DMRT1: variants seen among roughly 807,000 people sequenced by gnomAD.
DMRT1 encodes doublesex- and mab-3-related transcription factor 1.
In DMRT1, 7 loss-of-function variants were observed where a neutral mutation model predicts 32.3. The observed-to-expected ratio is 0.22, with a 90% CI of 0.12 to 0.41. The LOEUF (loss-of-function observed/expected upper bound fraction) is 0.41. DMRT1 is among the 10% of genes least tolerant of loss of function. The pLI is 1.00. For missense variants in DMRT1, 625 were observed against 500.5 expected (o/e 1.25, Z -2.37); for synonymous variants, 278 against 206.1 (o/e 1.35, Z -2.99).
At chr9:853,037 A>T (rs1287906110) in intron 2 of DMRT1, among the ~76,000 whole-genome samples, 2 of 152,234 alleles carry the variant, frequency 1.3e-5, no homozygotes, top group Non-Finnish European at 2.9e-5. Context: ...AGTAAGAGAT[A>T]TGGCTGGTGA....
chr9:883,159 A>C (rs1210139872), intron 2 of DMRT1, among the ~76,000 whole-genome samples: 1 of 151,936 alleles, frequency 6.6e-6, no homozygotes, highest in East Asian at 1.9e-4. Flanking sequence ...CTCCCCTTTG[A>C]ACCAAGCCCG....
chr9:955,996 C>T (rs1019879760), intron 4 of DMRT1, among the ~76,000 whole-genome samples: 6 of 152,098 alleles, frequency 3.9e-5, no homozygotes, highest in East Asian at 1.9e-4. Flanking sequence ...TTCATATCAG[C>T]GTTATTCAAA....
chr9:869,455 A>C (rs1166252034), intron 2 of DMRT1, among the ~76,000 whole-genome samples: 1 of 152,204 alleles, frequency 6.6e-6, no homozygotes, highest in African/African-American at 2.4e-5. Context: ...TAAAATTCAG[A>C]ACTTTTTGAA....
At chr9:930,896 A>T (rs1278108200) in intron 4 of DMRT1, among the ~76,000 whole-genome samples, 4 of 152,178 alleles carry the variant, frequency 2.6e-5, no homozygotes, top group Admixed American at 1.3e-4. Context: ...CATAAAATTC[A>T]TCCTTTTAAA....
chr9:929,046 C>T (rs1818623861), intron 4 of DMRT1, among the ~76,000 whole-genome samples: 1 of 151,982 alleles, frequency 6.6e-6, no homozygotes, highest in Non-Finnish European at 1.5e-5. Context: ...GCTATGTTGG[C>T]CAGGCTGGTC....
At chr9:896,285 CT>C (rs1195951813) in intron 3 of DMRT1, among the ~76,000 whole-genome samples, 461 of 121,762 alleles carry the variant, frequency 3.8e-3, no homozygotes, top group East Asian at 0.014. Context: ...CTTGTCTTTT[CT>C]TTTTTTTTTT....
intron 3 of DMRT1, among the ~76,000 whole-genome samples, chr9:898,754 A>G (rs577412829): frequency 5.1e-4 from 78 of 152,294 alleles, no homozygotes; most frequent in African/African-American, 1.9e-3. Context: ...TGTGTTGCTA[A>G]GGCCGGACTC....
intron 2 of DMRT1, among the ~76,000 whole-genome samples, chr9:867,201 A>G (rs941173257): frequency 1.3e-5 from 2 of 152,200 alleles, no homozygotes; most frequent in African/African-American, 4.8e-5. Context: ...CTGAAAAAAA[A>G]CAAAGCATAA....
At chr9:886,464 CA>C (rs1244534549) in intron 2 of DMRT1, among the ~76,000 whole-genome samples, 4 of 152,002 alleles carry the variant, frequency 2.6e-5, no homozygotes, top group Non-Finnish European at 5.9e-5. Flanking sequence ...CCATGTTGGC[CA>C]GGTTGGTCCC....
chr9:877,260 T>C (rs1816542691), intron 2 of DMRT1, among the ~76,000 whole-genome samples: 1 of 152,194 alleles, frequency 6.6e-6, no homozygotes, highest in Non-Finnish European at 1.5e-5. Flanking sequence ...AATTGAGTGG[T>C]CTCGTTCCCA....
At chr9:944,741 A>T (rs1819187246) in intron 4 of DMRT1, among the ~76,000 whole-genome samples, 1 of 152,178 alleles carries the variant, frequency 6.6e-6, no homozygotes, top group Non-Finnish European at 1.5e-5. Context: ...TTTGATTCCA[A>T]ATACTATATT....
intron 3 of DMRT1, among the ~76,000 whole-genome samples, chr9:915,481 G>A (rs1818143110): frequency 8.2e-6 from 1 of 122,338 alleles, no homozygotes; most frequent in Admixed American, 9.6e-5. Flanking sequence ...ATGAATGACT[G>A]CTGTGCTCAC....
chr9:928,846 TTTTA>T (rs573508979), intron 4 of DMRT1, among the ~76,000 whole-genome samples: 4 of 150,970 alleles, frequency 2.6e-5, no homozygotes, highest in Non-Finnish European at 3.0e-5. Flanking sequence ...ATTTATTTAT[TTTTA>T]TTTATTTATT....
At chr9:923,178 G>C (rs1031494118) in intron 4 of DMRT1, among the ~76,000 whole-genome samples, 1 of 152,138 alleles carries the variant, frequency 6.6e-6, no homozygotes, top group Admixed American at 6.6e-5. Context: ...TTTAGGAAAA[G>C]GTCATCTGGC....
intron 2 of DMRT1, among the ~76,000 whole-genome samples, chr9:873,486 CTT>C (rs111419496): frequency 1.4e-5 from 2 of 142,592 alleles, no homozygotes; most frequent in Non-Finnish European, 1.5e-5. Context: ...TTTGTATTTT[CTT>C]TTTTTTTTTT....
intron 4 of DMRT1, among the ~76,000 whole-genome samples, chr9:957,102 G>A (rs1323046866): frequency 6.6e-6 from 1 of 152,136 alleles, no homozygotes; most frequent in Non-Finnish European, 1.5e-5. Flanking sequence ...TTGCCTCCCC[G>A]CCAGTAGTCC....
intron 2 of DMRT1, among the ~76,000 whole-genome samples, chr9:862,997 C>T (rs1672436387): frequency 6.6e-6 from 1 of 151,862 alleles, no homozygotes; most frequent in Non-Finnish European, 1.5e-5. Flanking sequence ...CGGATGGGCA[C>T]AATCTAATGG....
At chr9:912,781 G>A (rs1178844775) in intron 3 of DMRT1, among the ~76,000 whole-genome samples, 12 of 152,046 alleles carry the variant, frequency 7.9e-5, no homozygotes. Context: ...CTCAATCTCG[G>A]TGTCATATTA....
chr9:888,279 T>C (rs116254995), intron 2 of DMRT1, among the ~76,000 whole-genome samples: 3,004 of 151,386 alleles, frequency 0.02, 101 homozygotes, highest in African/African-American at 0.067. Context: ...GGTAGAAGCC[T>C]AGCTTTTCAA....
Sources: allele counts gnomAD v4.1 joint callset (sites outside exome capture counted in the v4.1 genomes callset), GRCh38; gene constraint gnomAD v4.1.1; transcripts MANE v1.5; gene names NCBI Gene and HGNC (gene_info 2026-07-23, HGNC 2026-07-21).